JMJD1C: variants seen among roughly 807,000 people sequenced by gnomAD.
JMJD1C encodes jumonji domain containing 1C, also known as jumonji domain-containing protein 1C.
JMJD1C carries 31 observed loss-of-function variants against 245.3 expected under a neutral mutation model. That is an observed-to-expected ratio of 0.13 (90% CI 0.09 to 0.17). The LOEUF is 0.17. Ranked by LOEUF, JMJD1C falls within the 10% of genes least tolerant of loss-of-function variation. The pLI, the probability that JMJD1C is intolerant of heterozygous loss-of-function variation, is 1.00. For missense variants in JMJD1C, 2,691 were observed against 3,000.2 expected, an observed-to-expected ratio of 0.90 and a Z score of 2.41; for synonymous variants, 1,057 against 1,017.4, an observed-to-expected ratio of 1.04 and a Z score of -0.74.
chr10:63,328,031 T>C (rs1408310784), intron 2 of JMJD1C, among the ~76,000 whole-genome samples: 1 of 151,972 alleles, frequency 6.6e-6, no homozygotes, highest in East Asian at 2.0e-4. Context: ...TCCCAACACT[T>C]TGGGAGGCCA....
chr10:63,347,583 CAA>C (rs551998323), intron 2 of JMJD1C, among the ~76,000 whole-genome samples: 19 of 65,358 alleles, frequency 2.9e-4, no homozygotes, highest in Admixed American at 5.4e-4. Flanking sequence ...GAGTCCATCT[CAA>C]AAAAAAAAAA....
rs773293392 is a variant in JMJD1C, at chr10:63,207,123, G to C, written c.4546C>G (p.Leu1516Val). Residue 1516 changes from leucine to valine, a missense_variant, in exon 10 of 26, where the codon CTT becomes GTT. Physicochemically the swap from Leu to Val is conservative, Grantham distance 32 (BLOSUM62 1). This residue lies in a region of JMJD1C where 1,562 missense variants were observed against 1,490.7 expected (regional missense o/e 1.05). Transcript: ENST00000399262. ...CAGATTACAGTGCTATCCAGAGGAAGGGAGGCTGAAAGTGTCTGATTTTTT... is the reference window on the plus strand; with the variant it reads ...CAGATTACAGTGCTATCCAGAGGAACGGAGGCTGAAAGTGTCTGATTTTTT... ...AIKNQTLSAS[L>V]PLDSTVICST... 1.2e-5 allele frequency: 19 copies of C among 1,614,070 alleles called. No individual in the cohort carries two copies. The highest frequency in any genetic ancestry group is 9.3e-6 in the Non-Finnish European group (11 of 1,180,032).
intron 2 of JMJD1C, among the ~76,000 whole-genome samples, chr10:63,337,846 G>GT (rs1942996297): frequency 6.6e-6 from 1 of 152,102 alleles, no homozygotes; most frequent in South Asian, 2.1e-4. Context: ...TATTACTATA[G>GT]TAAGAAATCT....
At chr10:63,183,658 ATAATT>A (rs1273709812) in intron 21 of JMJD1C, 89 bp from the exon 22 acceptor site, 12 of 715,816 alleles carry the variant, frequency 1.7e-5, no homozygotes, top group African/African-American at 3.7e-5. Flanking sequence ...CTCGATCTGC[ATAATT>A]TAATTGTAAT....
At chr10:63,431,728 T>C (rs1315075905) in intron 1 of JMJD1C, among the ~76,000 whole-genome samples, 1 of 152,162 alleles carries the variant, frequency 6.6e-6, no homozygotes, top group Non-Finnish European at 1.5e-5. Context: ...AAGTACTCAC[T>C]TGCGGCCGGG....
chr10:63,188,460 T>G (rs1411336903), intron 18 of JMJD1C, among the ~76,000 whole-genome samples: 1 of 152,212 alleles, frequency 6.6e-6, no homozygotes, highest in East Asian at 1.9e-4. Context: ...GCTTACTCAT[T>G]TTTATATATT....
At chr10:63,514,101 A>C (rs1002663669) in intron 1 of JMJD1C, among the ~76,000 whole-genome samples, 2 of 152,196 alleles carry the variant, frequency 1.3e-5, no homozygotes, top group African/African-American at 4.8e-5. Context: ...CATCAGTCAG[A>C]GTGGCTATTA....
chr10:63,184,364 T>C (rs1169404125), intron 21 of JMJD1C, among the ~76,000 whole-genome samples: 3 of 151,758 alleles, frequency 2.0e-5, no homozygotes, highest in Non-Finnish European at 4.4e-5. Context: ...TGCCTCAGCC[T>C]CCTGAGTAGC....
At chr10:63,484,615 G>A (rs1589818988) in intron 1 of JMJD1C, among the ~76,000 whole-genome samples, 2 of 151,520 alleles carry the variant, frequency 1.3e-5, no homozygotes, top group South Asian at 2.1e-4. Context: ...AATAAAAGCA[G>A]TGACAACCCT....
At chr10:63,452,147 T>C (rs1589774294) in intron 1 of JMJD1C, among the ~76,000 whole-genome samples, 1 of 152,262 alleles carries the variant, frequency 6.6e-6, no homozygotes, top group East Asian at 1.9e-4. Flanking sequence ...ATCAAGAATG[T>C]GAAAAGGCAA....
At chr10:63,219,220 T>C (rs1285005857) in intron 4 of JMJD1C, among the ~76,000 whole-genome samples, 1 of 152,180 alleles carries the variant, frequency 6.6e-6, no homozygotes, top group Admixed American at 6.5e-5. Context: ...GGATTCTCTC[T>C]TGACACTTAA....
intron 1 of JMJD1C, among the ~76,000 whole-genome samples, chr10:63,472,199 A>G (rs894340822): frequency 6.6e-6 from 1 of 151,656 alleles, no homozygotes; most frequent in African/African-American, 2.4e-5. Flanking sequence ...CAACTATTAT[A>G]TATTATATAT....
chr10:63,484,074 G>A (rs966992647), intron 1 of JMJD1C, among the ~76,000 whole-genome samples: 6 of 152,148 alleles, frequency 3.9e-5, no homozygotes, highest in South Asian at 2.1e-4. Flanking sequence ...TTATGAACAT[G>A]ACTTCACAGT....
chr10:63,446,032 C>G (rs977550189), intron 1 of JMJD1C, among the ~76,000 whole-genome samples: 3 of 151,752 alleles, frequency 2.0e-5, no homozygotes, highest in African/African-American at 4.8e-5. Flanking sequence ...CGTGCCACCA[C>G]GCCTAGCTAA....
intron 2 of JMJD1C, among the ~76,000 whole-genome samples, chr10:63,340,391 T>C (rs1943258918): frequency 6.6e-6 from 1 of 152,238 alleles, no homozygotes; most frequent in African/African-American, 2.4e-5. Context: ...CCAAGACCTA[T>C]GTGCATTGCT....
chr10:63,365,256 T>C (rs1032046400), intron 2 of JMJD1C, among the ~76,000 whole-genome samples: 1 of 152,236 alleles, frequency 6.6e-6, no homozygotes, highest in Admixed American at 6.5e-5. Flanking sequence ...TTTTATTCTA[T>C]AACTGAATGT....
At chr10:63,512,336 C>T (rs554274496) in intron 1 of JMJD1C, among the ~76,000 whole-genome samples, 22 of 151,806 alleles carry the variant, frequency 1.4e-4, no homozygotes, top group Admixed American at 1.4e-3. Context: ...CAATAAATTC[C>T]CTCAATTTTT....
Position 63,189,455 on chromosome 10 carries a change from GA to G in JMJD1C, c.6292-10del, listed in dbSNP as rs544671297. 1.1e-4 allele frequency: 178 copies of G among 1,573,774 alleles called. 3 individuals carry two copies. In the South Asian group the frequency reaches 1.9e-3, roughly 17 times the overall value. ...CGTCCACTTTTGCTACTCTATTAAGGAAAAAACAAAACAAAAAAAACCTGTT... is the reference window on the plus strand; with the variant it reads ...CGTCCACTTTTGCTACTCTATTAAGGAAAAACAAAACAAAAAAAACCTGTT... On this transcript the variant is annotated splice_polypyrimidine_tract_variant and intron_variant, in intron 17 of 25. Coordinates refer to ENST00000399262, the MANE Select transcript of JMJD1C (RefSeq NM_032776.3).
intron 1 of JMJD1C, among the ~76,000 whole-genome samples, chr10:63,493,790 A>C (rs372309693): frequency 5.3e-4 from 81 of 152,356 alleles, no homozygotes; most frequent in African/African-American, 1.9e-3. Flanking sequence ...CACTTTACAA[A>C]TGGAGGGAAT....
Sources: gnomAD v4.1 joint callset for allele counts (sites outside exome capture counted in the v4.1 genomes callset) on GRCh38, gnomAD v4.1.1 for gene constraint, gnomAD v4.1.1 regional missense constraint, MANE v1.5 for transcripts, NCBI Gene and HGNC (gene_info 2026-07-23, HGNC 2026-07-21) for gene names.